CLMN: variants seen among roughly 807,000 people sequenced by gnomAD.
The protein encoded by CLMN is calmin (calponin-like, transmembrane).
A neutral mutation model predicts 92.7 loss-of-function variants in CLMN; 57 were observed. The observed-to-expected ratio is 0.61, with a 90% confidence interval of 0.50 to 0.77. The LOEUF (loss-of-function observed/expected upper bound fraction) is 0.77, where lower values mean the gene tolerates loss of function less well. Among genes scored for constraint, CLMN ranks in the 30% least tolerant of loss-of-function variants. The probability of loss-of-function intolerance (pLI) is 0.00; values close to 1 mark genes in which losing one functional copy is unlikely to be tolerated. For missense variants in CLMN, 1,158 were observed against 1,237.5 expected, an observed-to-expected ratio of 0.94 and a Z score of 0.96; for synonymous variants, 466 against 470.6, an observed-to-expected ratio of 0.99 and a Z score of 0.13.
intron 6 of CLMN, 90 bp from the exon 7 acceptor site, chr14:95,210,969 T>C: frequency 7.2e-7 from 1 of 1,386,812 alleles, no homozygotes; most frequent in Non-Finnish European, 9.6e-7. Context: ...GCGTGAGTTT[T>C]TGAGTGGGGC....
rs1438241404 is a variant in CLMN, at chr14:95,210,836, CA to C, written c.651del (p.Ser217ArgfsTer8). 1.9e-6 allele frequency: 3 copies of C among 1,569,516 alleles called. No homozygotes were observed. Among genetic ancestry groups the C allele is most frequent in the Non-Finnish European group, 2.6e-6 (3 of 1,163,918 alleles). ...TTGATCACCGCCAGGAAAGCCAGCC[CA>C]CTCCTCCAACTGCCCGCAAAGTCCT... ...AVQDFAGSWR[S>X]GLAFLAVIKA... On this transcript the variant is annotated frameshift_variant, in exon 7 of 13. Coordinates refer to ENST00000298912, the MANE Select transcript of CLMN (RefSeq NM_024734.4). LOFTEE classifies it high-confidence loss of function.
Position 95,221,683 on chromosome 14 carries a change from A to G in CLMN, c.324+8T>C. On this transcript the variant is annotated splice_region_variant and intron_variant, in intron 4 of 12. Coordinates refer to ENST00000298912, the MANE Select transcript of CLMN (RefSeq NM_024734.4). ...CTTGTGTTAGCAGGATGAGCTTCAAACACTTACATTGCTATCTTCCAAAAA... is the reference window on the plus strand; with the variant it reads ...CTTGTGTTAGCAGGATGAGCTTCAAGCACTTACATTGCTATCTTCCAAAAA... 6.2e-7 allele frequency: 1 copy of G among 1,611,940 alleles called. No individual in the cohort carries two copies. Among genetic ancestry groups the G allele is most frequent in the Non-Finnish European group, 8.5e-7 (1 of 1,178,454 alleles).
intron 1 of CLMN, among the ~76,000 whole-genome samples, chr14:95,315,961 C>T (rs1031365213): frequency 4.6e-5 from 7 of 152,240 alleles, no homozygotes; most frequent in African/African-American, 1.7e-4. Context: ...AGGCTTCCCA[C>T]ATGAATGGAG....
At chr14:95,306,909 C>CA (rs1442996837) in intron 1 of CLMN, among the ~76,000 whole-genome samples, 3 of 151,998 alleles carry the variant, frequency 2.0e-5, no homozygotes, top group South Asian at 2.1e-4. Context: ...AGCTTAGAAC[C>CA]AAAAAATCAA....
chr14:95,200,755 C>T (rs1240756695), intron 9 of CLMN, among the ~76,000 whole-genome samples: 4 of 152,068 alleles, frequency 2.6e-5, no homozygotes, highest in African/African-American at 7.2e-5. Flanking sequence ...GCGCATGTCC[C>T]CTTATGCTAT....
At chr14:95,238,805 A>G (rs1433360017) in intron 1 of CLMN, among the ~76,000 whole-genome samples, 1 of 152,126 alleles carries the variant, frequency 6.6e-6, no homozygotes, top group East Asian at 1.9e-4. Flanking sequence ...CTTAAATCCA[A>G]TTCTCTCACA....
At chr14:95,310,928 C>T (rs1437518236) in intron 1 of CLMN, among the ~76,000 whole-genome samples, 1 of 152,202 alleles carries the variant, frequency 6.6e-6, no homozygotes, top group African/African-American at 2.4e-5. Context: ...CACTTCTTCC[C>T]AGGGGCAAAG....
rs1901277891 is a variant in CLMN, at chr14:95,306,386, G to A, written c.82+13325C>T. On this transcript the variant is annotated intron_variant, in intron 1 of 12. Transcript: ENST00000298912. ...AAATTAGCTGGGCATGGTGGTGCAC[G>A]TCTGTAATCCCAGCTACTCGGGAAG... Among the ~76,000 whole-genome samples, 2 of 152,158 alleles carry A rather than the reference G, an allele frequency of 1.3e-5. 1 individual carries two copies. Among genetic ancestry groups the A allele is most frequent in the South Asian group, 4.1e-4 (2 of 4,822 alleles).
intron 5 of CLMN, 42 bp from the exon 6 acceptor site, chr14:95,213,451 C>G: frequency 6.4e-7 from 1 of 1,557,000 alleles, no homozygotes; most frequent in Non-Finnish European, 8.7e-7. Context: ...AACAGACCCA[C>G]CCTCTCAGCA....
chr14:95,287,028 C>T (rs909315054), intron 1 of CLMN, among the ~76,000 whole-genome samples: 1 of 152,178 alleles, frequency 6.6e-6, no homozygotes, highest in African/African-American at 2.4e-5. Flanking sequence ...TTGTCATCCC[C>T]GCAAGGCTAC....
chr14:95,234,401 A>G (rs1185513393), intron 1 of CLMN, among the ~76,000 whole-genome samples: 1 of 152,102 alleles, frequency 6.6e-6, no homozygotes, highest in Admixed American at 6.5e-5. Context: ...GACTCTTGCT[A>G]CTTCTGGCCT....
rs538591768 is a variant in CLMN at position 95,188,061 on chromosome 14, G to A, written c.*3503C>T. 6.6e-5 allele frequency: 10 copies of A among 152,312 alleles called. No individual in the cohort carries two copies. The highest frequency in any genetic ancestry group is 2.0e-4 in the Admixed American group (3 of 15,308). 9.4% of individuals were successfully genotyped at this position (152,312 alleles called of 1,614,324 possible). A position where few individuals can be genotyped will look rare whatever the true frequency, so the allele number is the denominator to read the frequency against. The stretch of plus-strand genomic sequence containing the variant: ...ACAGAATGAGCCCCAGAGAAAACAC[G>A]TGCAAATACTGACAGGCAGTGTTCT... On this transcript the variant is annotated 3_prime_UTR_variant, in exon 13 of 13. Coordinates refer to ENST00000298912, the MANE Select transcript of CLMN (RefSeq NM_024734.4).
At chr14:95,306,868 T>G (rs946442030) in intron 1 of CLMN, among the ~76,000 whole-genome samples, 1 of 152,180 alleles carries the variant, frequency 6.6e-6, no homozygotes, top group African/African-American at 2.4e-5. Context: ...AGAGGGGTCC[T>G]ACATCCTCAC....
intron 4 of CLMN, among the ~76,000 whole-genome samples, chr14:95,220,024 C>G (rs1430865251): frequency 2.0e-5 from 3 of 152,154 alleles, no homozygotes; most frequent in South Asian, 2.1e-4. Flanking sequence ...ACTTCCCTGT[C>G]CTGGACATTT....
chr14:95,257,507 T>C (rs1437453107), intron 1 of CLMN, among the ~76,000 whole-genome samples: 1 of 152,202 alleles, frequency 6.6e-6, no homozygotes, highest in Non-Finnish European at 1.5e-5. Flanking sequence ...CTCTTTCAAT[T>C]AACTTGTATT....
chr14:95,281,940 G>A (rs943485464), intron 1 of CLMN, among the ~76,000 whole-genome samples: 8 of 152,148 alleles, frequency 5.3e-5, no homozygotes, highest in South Asian at 2.1e-4. Flanking sequence ...GGCTAGGGGC[G>A]GGCTCCACCA....
rs563928139 is a variant in CLMN, at chr14:95,317,023, G to C, written c.82+2688C>G. Among the ~76,000 whole-genome samples the C allele has an allele frequency of 3.3e-5, 5 of 152,304 alleles. No homozygotes were observed. In the South Asian group the frequency reaches 1.0e-3, roughly 32 times the overall value. Reference sequence around the variant, plus strand: ...ACACAGCTTCAATGGCAGCCCCTCTGCCTGGACTCCTCCTGCCTCCCATAA... The same window carrying C: ...ACACAGCTTCAATGGCAGCCCCTCTCCCTGGACTCCTCCTGCCTCCCATAA... On this transcript the variant is annotated intron_variant, in intron 1 of 12. Transcript: ENST00000298912.
Position 95,230,180 on chromosome 14 carries a change from C to CA in CLMN, c.83-48dup, listed in dbSNP as rs769919810. 8 of 1,530,634 alleles carry CA rather than the reference C, an allele frequency of 5.2e-6. No individual in the cohort carries two copies. In the South Asian group the frequency reaches 6.7e-5, roughly 13 times the overall value. The allele number at this position is 1,530,634 out of a possible 1,614,324, so 94.8% of individuals were successfully genotyped here. A position where few individuals can be genotyped will look rare whatever the true frequency, so the allele number is the denominator to read the frequency against. Reference sequence around the variant, plus strand: ...CAGCTGGGAGAATAAGAAGTATGTGCAAAATCACACCTTCCCCTTCCCAAG... The same window carrying CA: ...CAGCTGGGAGAATAAGAAGTATGTGCAAAAATCACACCTTCCCCTTCCCAAG... On this transcript the variant is annotated intron_variant, in intron 1 of 12. Transcript: ENST00000298912.
At position 95,196,547 on chromosome 14, in the gene CLMN, A is replaced by C; in HGVS notation, c.2659T>G (p.Ser887Ala). Residue 887 changes from serine to alanine, a missense_variant, in exon 10 of 13, where the codon TCC (serine) becomes GCC (alanine). Transcript: ENST00000298912. ...CTGTCTTCTTCTAGGTCATCTGAGGATTGAACACTTCCTGGTGCTACAAAT... is the reference window on the plus strand; with the variant it reads ...CTGTCTTCTTCTAGGTCATCTGAGGCTTGAACACTTCCTGGTGCTACAAAT... ...SLFVAPGSVQ[S>A]SDDLEEDSSD... 1 of 1,614,150 alleles carries C rather than the reference A, an allele frequency of 6.2e-7. No homozygotes were observed. Among genetic ancestry groups the C allele is most frequent in the Non-Finnish European group, 8.5e-7 (1 of 1,180,028 alleles).
Sources: gnomAD v4.1 joint callset for allele counts (sites outside exome capture counted in the v4.1 genomes callset) on GRCh38, gnomAD v4.1.1 for gene constraint, MANE v1.5 for transcripts, NCBI Gene and HGNC (gene_info 2026-07-23, HGNC 2026-07-21) for gene names.